Variants in ANKRD27 observed in about 807,000 individuals in gnomAD.
ANKRD27 encodes the protein ankyrin repeat domain-containing protein 27.
In ANKRD27, 112 loss-of-function variants were observed where a neutral mutation model predicts 129.7. That is an observed-to-expected ratio of 0.86 (90% CI 0.74 to 1.01). ANKRD27 has a LOEUF of 1.01. Among genes scored for constraint, ANKRD27 ranks in the 50% least tolerant of loss-of-function variants. The pLI, the probability that ANKRD27 is intolerant of heterozygous loss-of-function variation, is 0.00. For missense variants in ANKRD27, 1,258 were observed against 1,300.5 expected (o/e 0.97, Z 0.50); for synonymous variants, 516 against 511.2 (o/e 1.01, Z -0.13).
intron 10 of ANKRD27, 88 bp from the exon 11 acceptor site, chr19:32,640,473 G>A: frequency 9.4e-7 from 1 of 1,063,526 alleles, no homozygotes; most frequent in Non-Finnish European, 1.5e-6. Flanking sequence ...CACACCTTGT[G>A]AAACCACGTA....
chr19:32,619,890 G>C (rs781256494), intron 18 of ANKRD27, among the ~76,000 whole-genome samples: 5 of 152,136 alleles, frequency 3.3e-5, no homozygotes, highest in Non-Finnish European at 7.4e-5. Flanking sequence ...CAGCCCCCAG[G>C]CCTGTCTGTC....
At chr19:32,608,780 C>T (rs1450965501) in intron 22 of ANKRD27, among the ~76,000 whole-genome samples, 3 of 152,062 alleles carry the variant, frequency 2.0e-5, no homozygotes, top group Non-Finnish European at 4.4e-5. Flanking sequence ...GGTGAAACCC[C>T]GTCTCTACCA....
At chr19:32,601,993 C>T in intron 26 of ANKRD27, 22 bp downstream of exon 26, 1 of 1,506,016 alleles carries the variant, frequency 6.6e-7, no homozygotes, top group Admixed American at 1.7e-5. Context: ...TTGAGCGTGA[C>T]AGAAAGAACG....
chr19:32,619,438 G>A, intron 19 of ANKRD27, 56 bp downstream of exon 19: 3 of 1,613,986 alleles, frequency 1.9e-6, no homozygotes, highest in East Asian at 2.2e-5. Context: ...GTGAGGACCA[G>A]AGAAGGCGCC....
chr19:32,646,163 C>T (rs1967299189), intron 4 of ANKRD27, among the ~76,000 whole-genome samples: 1 of 151,968 alleles, frequency 6.6e-6, no homozygotes, highest in Admixed American at 6.6e-5. Context: ...AACTCCTGAC[C>T]TCAAGTAATC....
chr19:32,674,397 C>T (rs1258488832), intron 1 of ANKRD27, among the ~76,000 whole-genome samples: 1 of 152,194 alleles, frequency 6.6e-6, no homozygotes, highest in African/African-American at 2.4e-5. Context: ...CCAGCACAGG[C>T]CGCGAGTGCC....
chr19:32,658,951 G>GGGC lies in ANKRD27; in HGVS notation c.62_64dup (p.Arg21dup). ...TTGGGCCACTTTGCTGCACAAGTCA[G>GGGC]GGCGGCACTTTTGCAGAGCCAGATA... On this transcript the variant is annotated inframe_insertion, in exon 2 of 29. Transcript: ENST00000306065. 1 of 1,614,144 alleles carries GGGC rather than the reference G, an allele frequency of 6.2e-7. No homozygotes were observed. The highest frequency in any genetic ancestry group is 8.5e-7 in the Non-Finnish European group (1 of 1,180,042).
intron 2 of ANKRD27, among the ~76,000 whole-genome samples, 167 bp from the exon 3 acceptor site, chr19:32,649,959 G>GATC (rs1190830111): frequency 1.1e-4 from 16 of 152,316 alleles, no homozygotes; most frequent in African/African-American, 3.8e-4. Context: ...CAGCTGAGGT[G>GATC]ATCTGCTGCT....
In ANKRD27 at chr19:32,605,869, C is replaced by A. The variant is rs563083917; in HGVS notation, c.2459G>T (p.Gly820Val). The change falls in exon 24 of 29, where the codon GGT (glycine) becomes GTT (valine). Residue 820 changes from glycine (G) to valine (V), a missense_variant. By Grantham distance (109) the Gly-to-Val change is moderately radical. Coordinates refer to ENST00000306065, the MANE Select transcript of ANKRD27 (RefSeq NM_032139.3). ...GNTPLIYACS[G>V]GHHELVALLL... ...CAGTGCCACAAGCTCGTGATGGCCA[C>A]CGGAGCAGGCGTAAATGAGGGGCGT... 2 of 1,614,002 alleles carry A rather than the reference C, an allele frequency of 1.2e-6. No homozygotes were observed. Among genetic ancestry groups the A allele is most frequent in the South Asian group, 2.2e-5 (2 of 91,078 alleles).
chr19:32,668,121 A>C (rs1358266322), intron 1 of ANKRD27, among the ~76,000 whole-genome samples: 1 of 152,168 alleles, frequency 6.6e-6, no homozygotes, highest in Non-Finnish European at 1.5e-5. Context: ...CAGGCACTGC[A>C]ATAACTTCTA....
rs191959276 is a variant in ANKRD27 at position 32,616,160 on chromosome 19, T to C, written c.2053-380A>G. 5.9e-5 allele frequency among the ~76,000 whole-genome samples: 9 copies of C among 152,008 alleles called. No individual in the cohort carries two copies. The East Asian group carries it at 1.2e-3, about 20-fold the overall frequency. ...GCTACTGTGAGCCATGATCACACCA[T>C]AGCACTCCAGCCTGGGCAACAGAGC... On this transcript the variant is annotated intron_variant, in intron 21 of 28. Transcript: ENST00000306065.
chr19:32,606,005 C>T, intron 23 of ANKRD27, 51 bp from the exon 24 acceptor site: 1 of 1,508,244 alleles, frequency 6.6e-7, no homozygotes. Context: ...TCTGTCATTT[C>T]CTGCCAGAGA....
chr19:32,641,764 CTTCTTT>C (rs1158368471), intron 10 of ANKRD27, among the ~76,000 whole-genome samples: 3 of 79,724 alleles, frequency 3.8e-5, no homozygotes, highest in East Asian at 2.7e-4. Context: ...TCTTTTACTT[CTTCTTT>C]TTTTTTTTTT....
chr19:32,628,656 G>A, intron 14 of ANKRD27, 66 bp downstream of exon 14: 3 of 1,599,464 alleles, frequency 1.9e-6, no homozygotes, highest in Non-Finnish European at 2.6e-6. Flanking sequence ...AGCGCACAGT[G>A]GAGAAGGTCC....
rs968652259 is a variant in ANKRD27, at chr19:32,616,543, C to T, written c.2053-763G>A. Among the ~76,000 whole-genome samples the T allele has an allele frequency of 4.6e-4, 51 of 110,950 alleles. 1 individual carries two copies. Among genetic ancestry groups the T allele is most frequent in the Admixed American group, 3.4e-3 (35 of 10,212 alleles). 72.8% of individuals were successfully genotyped at this position (110,950 alleles called of 152,430 possible). A position where few individuals can be genotyped will look rare whatever the true frequency, so the allele number is the denominator to read the frequency against. On this transcript the variant is annotated intron_variant, in intron 21 of 28. Transcript: ENST00000306065. ...ACTCCTGGATGACAGCGCAAGACTC[C>T]GTCTCAAAAAAAAAAAAAAAAAAAA...
At chr19:32,648,038 G>C (rs779025681) in intron 3 of ANKRD27, among the ~76,000 whole-genome samples, 1 of 152,180 alleles carries the variant, frequency 6.6e-6, no homozygotes, top group Non-Finnish European at 1.5e-5. Context: ...GACCAAGGTG[G>C]GTGGATCATT....
chr19:32,634,917 A>C (rs34182086), intron 12 of ANKRD27, among the ~76,000 whole-genome samples: 62,615 of 152,080 alleles, frequency 0.41, 15,749 homozygotes, highest in Non-Finnish European at 0.57. Context: ...TCAGTCTCAA[A>C]AAAAAAGAAA....
intron 1 of ANKRD27, among the ~76,000 whole-genome samples, chr19:32,661,247 A>ACACACC (rs995446295): frequency 4.9e-5 from 2 of 40,508 alleles, no homozygotes; most frequent in African/African-American, 7.2e-5. Context: ...ACACACACAC[A>ACACACC]CACATATACT....
At chr19:32,619,625 C>A (rs1971977876) in intron 18 of ANKRD27, 72 bp from the exon 19 acceptor site, 1 of 1,562,934 alleles carries the variant, frequency 6.4e-7, no homozygotes, top group African/African-American at 1.4e-5. Flanking sequence ...CCATCACCCA[C>A]ACGCCCCACT....
Sources: gnomAD v4.1 joint callset for allele counts (sites outside exome capture counted in the v4.1 genomes callset) on GRCh38, gnomAD v4.1.1 for gene constraint, MANE v1.5 for transcripts, NCBI Gene and HGNC (gene_info 2026-07-23, HGNC 2026-07-21) for gene names.